The following LINGO4 variants were observed in gnomAD, a reference collection of about 807,000 sequenced individuals.
LINGO4 encodes the protein leucine rich repeat and Ig domain containing 4.
LINGO4 carries 22 observed loss-of-function variants against 27.9 expected under a neutral mutation model. The ratio of observed to expected loss-of-function variants is 0.79; its 90% CI spans 0.56 to 1.13. The LOEUF (loss-of-function observed/expected upper bound fraction) is 1.13, where lower values mean the gene tolerates loss of function less well. Ranked by LOEUF, LINGO4 falls within the 50% of genes most tolerant of loss-of-function variation. The probability of loss-of-function intolerance (pLI) is 0.00; values close to 1 mark genes in which losing one functional copy is unlikely to be tolerated. For synonymous variants in LINGO4, 306 were observed against 325.8 expected (o/e 0.94, Z 0.65); for missense variants, 706 against 739.4 (o/e 0.95, Z 0.52).
Position 151,801,557 on chromosome 1 carries a change from G to A in LINGO4, c.1148C>T (p.Pro383Leu). The stretch of plus-strand genomic sequence containing the variant: ...GACATGATGGGGGCCAGCACAGGCA[G>A]GGGGGGACATGCCAAAGTCCAGGTG... ...RRHLDFGMSP[P>L]ACAGPHHVQG... is the part of the protein sequence containing the mutation. The change falls in exon 2 of 2, where the codon CCT (proline) becomes CTT (leucine). Residue 383 changes from proline (P) to leucine (L), a missense_variant. By Grantham distance (98) the Pro-to-Leu change is moderately conservative (BLOSUM62 -3). Transcript: ENST00000368820. The surrounding 1 kb of genome is among the most constrained non-coding windows in gnomAD (Gnocchi z 5.7). 5.0e-6 allele frequency: 8 copies of A among 1,612,788 alleles called. No homozygotes were observed. The highest frequency in any genetic ancestry group is 2.2e-5 in the East Asian group (1 of 44,882).
Position 151,801,893 on chromosome 1 carries a change from G to A in LINGO4, c.812C>T (p.Ala271Val). Residue 271 changes from alanine (A) to valine (V), a missense_variant, in exon 2 of 2, where the codon GCA (alanine) becomes GTA (valine). Coordinates refer to ENST00000368820, the MANE Select transcript of LINGO4 (RefSeq NM_001004432.4). The surrounding 1 kb of genome is among the most constrained non-coding windows in gnomAD (Gnocchi z 5.7). ...CCTGAGGAAGCTGAGGTGGTACAGT[G>A]CTTGGAAGGGCACCGAGCTCAGATT... ...RCNLSSVPFQ[A>V]LYHLSFLRVL... 1 of 1,614,218 alleles carries A rather than the reference G, an allele frequency of 6.2e-7. No individual in the cohort carries two copies. The highest frequency in any genetic ancestry group is 8.5e-7 in the Non-Finnish European group (1 of 1,180,026).
intron 1 of LINGO4, among the ~76,000 whole-genome samples, chr1:151,804,794 G>A (rs1341002293): frequency 6.6e-6 from 1 of 152,210 alleles, no homozygotes; most frequent in East Asian, 1.9e-4. Flanking sequence ...CATGACCCTT[G>A]AAGGCATCAC....
In LINGO4 at chr1:151,801,517, C is replaced by T. The variant is rs750100866; in HGVS notation, c.1188G>A (p.Leu396=). 6 of 1,613,914 alleles carry T rather than the reference C, an allele frequency of 3.7e-6. No individual in the cohort carries two copies. Among genetic ancestry groups the T allele is most frequent in the Non-Finnish European group, 5.1e-6 (6 of 1,179,964 alleles). ...GAGGCAGGATGTCTGAAAACTCCTT[C>T]AGGCTCTTCCCCTGGACATGATGGG... ...AGPHHVQGKS[L]KEFSDILPPG... Residue 396 remains leucine, a synonymous_variant, in exon 2 of 2, where the codon CTG becomes CTA. Coordinates refer to ENST00000368820, the MANE Select transcript of LINGO4 (RefSeq NM_001004432.4). The surrounding 1 kb of genome is among the most constrained non-coding windows in gnomAD (Gnocchi z 5.7).
At chr1:151,804,511 T>C (rs564398030) in intron 1 of LINGO4, among the ~76,000 whole-genome samples, 1 of 152,330 alleles carries the variant, frequency 6.6e-6, no homozygotes, top group South Asian at 2.1e-4. Flanking sequence ...CTGCTGCAGT[T>C]CCTGCCCATC....
rs1209895022 is a variant in LINGO4 at position 151,800,903 on chromosome 1, C to T, written c.*20G>A. On this transcript the variant is annotated 3_prime_UTR_variant, in exon 2 of 2. Coordinates refer to ENST00000368820, the MANE Select transcript of LINGO4 (RefSeq NM_001004432.4). Reference sequence around the variant, plus strand: ...GTATCTGAAGCGGACTTGGTGGGTTCCCCACTGGGGAAGGAAAGGTCAGAA... The same window carrying T: ...GTATCTGAAGCGGACTTGGTGGGTTTCCCACTGGGGAAGGAAAGGTCAGAA... 5 of 1,577,374 alleles carry T rather than the reference C, an allele frequency of 3.2e-6. No individual in the cohort carries two copies. Among genetic ancestry groups the T allele is most frequent in the East Asian group, 4.5e-5 (2 of 44,488 alleles).
chr1:151,800,685 A>G lies in LINGO4; in HGVS notation c.*238T>C, dbSNP rs534117647. On this transcript the variant is annotated 3_prime_UTR_variant, in exon 2 of 2. Coordinates refer to ENST00000368820, the MANE Select transcript of LINGO4 (RefSeq NM_001004432.4). ...GTGGAGGGGGTGAAGCAGGGGCTGGACTAACGACGGGGTCTGCATCTGCAG... is the reference window on the plus strand; with the variant it reads ...GTGGAGGGGGTGAAGCAGGGGCTGGGCTAACGACGGGGTCTGCATCTGCAG... 2.0e-3 allele frequency: 1,003 copies of G among 506,126 alleles called. 1 individual carries two copies. Among genetic ancestry groups the G allele is most frequent in the African/African-American group, 0.017 (881 of 52,496 alleles). 31.4% of individuals were successfully genotyped at this position (506,126 alleles called of 1,614,324 possible). A position where few individuals can be genotyped will look rare whatever the true frequency, so the allele number is the denominator to read the frequency against.
rs1201229084 is a variant in LINGO4, at chr1:151,802,182, C to T, written c.523G>A (p.Ala175Thr). The change falls in exon 2 of 2, where the codon GCC (alanine) becomes ACC (threonine). Residue 175 changes from alanine (A) to threonine (T), a missense_variant. By Grantham distance (58) the Ala-to-Thr change is moderately conservative. Transcript: ENST00000368820. Reference sequence around the variant, plus strand: ...CTCAACTTGGCTAGCCCTGCAAAGGCCCCCGGAGCCACAAATACCAGGTGG... The same window carrying T: ...CTCAACTTGGCTAGCCCTGCAAAGGTCCCCGGAGCCACAAATACCAGGTGG... ...DNHLVFVAPG[A>T]FAGLAKLSTL... 6.2e-7 allele frequency: 1 copy of T among 1,614,014 alleles called. No homozygotes were observed. The highest frequency in any genetic ancestry group is 1.1e-5 in the South Asian group (1 of 91,086).
rs770677338 is a variant in LINGO4 at position 151,801,687 on chromosome 1, C to G, written c.1018G>C (p.Glu340Gln). ...DVADNALQTL[E>Q]ETAFPSPDKL... ...TCTGGAGAAGGGAAAGCTGTTTCCT[C>G]TAGTGTCTGAAGGGCGTTATCTGCC... Residue 340 changes from glutamate (E) to glutamine (Q), a missense_variant, in exon 2 of 2, where the codon GAG (glutamate) becomes CAG (glutamine). Coordinates refer to ENST00000368820, the MANE Select transcript of LINGO4 (RefSeq NM_001004432.4). This position sits in a 1 kb window ranked among gnomAD's most constrained non-coding sequence, Gnocchi z 5.7. 6.8e-6 allele frequency: 11 copies of G among 1,614,222 alleles called. No individual in the cohort carries two copies. The highest frequency in any genetic ancestry group is 9.3e-6 in the Non-Finnish European group (11 of 1,180,040).
At position 151,800,272 on chromosome 1, in the gene LINGO4, T is replaced by C. The variant is rs1651103212; in HGVS notation, c.*651A>G. On this transcript the variant is annotated 3_prime_UTR_variant, in exon 2 of 2. Transcript: ENST00000368820. Reference sequence around the variant, plus strand: ...AAACTCCAGAGATGACATTTAGTTTTGGCTGCTACTGTTGTGGCCCTTTGA... The same window carrying C: ...AAACTCCAGAGATGACATTTAGTTTCGGCTGCTACTGTTGTGGCCCTTTGA... 1 of 152,338 alleles carries C rather than the reference T, an allele frequency of 6.6e-6. No homozygotes were observed. Among genetic ancestry groups the C allele is most frequent in the Admixed American group, 6.5e-5 (1 of 15,284 alleles). The allele number at this position is 152,338 out of a possible 1,614,324, so 9.4% of individuals were successfully genotyped here. A position where few individuals can be genotyped will look rare whatever the true frequency, so the allele number is the denominator to read the frequency against.
Position 151,801,442 on chromosome 1 carries a change from T to C in LINGO4, c.1263A>G (p.Arg421=), listed in dbSNP as rs758851401. 1.9e-6 allele frequency: 3 copies of C among 1,614,108 alleles called. No homozygotes were observed. The highest frequency in any genetic ancestry group is 2.5e-6 in the Non-Finnish European group (3 of 1,180,046). Residue 421 remains arginine (R), a synonymous_variant, in exon 2 of 2, where the codon CGA becomes CGG. Coordinates refer to ENST00000368820, the MANE Select transcript of LINGO4 (RefSeq NM_001004432.4). This position sits in a 1 kb window ranked among gnomAD's most constrained non-coding sequence, Gnocchi z 5.7. ...GCCCGCCCTCCTCTGCAATGACCCA[T>C]CGAGGCCCCGACTTTCGGATCAGGG... is the stretch of plus-strand genomic sequence containing the variant. ...KPALIRKSGP[R]WVIAEEGGHA...
chr1:151,803,000 A>G (rs548220226), intron 1 of LINGO4, among the ~76,000 whole-genome samples: 162 of 152,026 alleles, frequency 1.1e-3, no homozygotes, highest in Non-Finnish European at 2.0e-3. Flanking sequence ...TTCTGTGGGG[A>G]AAAAGCTTAT....
In LINGO4 at chr1:151,801,898, G is replaced by C. The variant is rs1651158700; in HGVS notation, c.807C>G (p.Phe269Leu). The C allele has an allele frequency of 1.9e-6, 3 of 1,614,220 alleles. No homozygotes were observed. Among genetic ancestry groups the C allele is most frequent in the Non-Finnish European group, 1.7e-6 (2 of 1,180,036 alleles). ...GGAAGCTGAGGTGGTACAGTGCTTGGAAGGGCACCGAGCTCAGATTGCAGC... is the reference window on the plus strand; with the variant it reads ...GGAAGCTGAGGTGGTACAGTGCTTGCAAGGGCACCGAGCTCAGATTGCAGC... ...ITRCNLSSVP[F>L]QALYHLSFLR... The change falls in exon 2 of 2, where the codon TTC (phenylalanine) becomes TTG (leucine). Residue 269 changes from phenylalanine (F) to leucine (L), a missense_variant. Transcript: ENST00000368820. The surrounding 1 kb of genome is among the most constrained non-coding windows in gnomAD (Gnocchi z 5.7).
rs900725464 is a variant in LINGO4 at position 151,800,792 on chromosome 1, C to G, written c.*131G>C. 1 of 786,800 alleles carries G rather than the reference C, an allele frequency of 1.3e-6. No homozygotes were observed. Among genetic ancestry groups the G allele is most frequent in the African/African-American group, 1.7e-5 (1 of 57,520 alleles). 48.7% of individuals were successfully genotyped at this position (786,800 alleles called of 1,614,324 possible). Reference sequence around the variant, plus strand: ...AGGAAGCAGACTCTCCGGCAGGAGGCACAACGCAGGCGGGAGGTGCAGGAG... The same window carrying G: ...AGGAAGCAGACTCTCCGGCAGGAGGGACAACGCAGGCGGGAGGTGCAGGAG... On this transcript the variant is annotated 3_prime_UTR_variant, in exon 2 of 2. Coordinates refer to ENST00000368820, the MANE Select transcript of LINGO4 (RefSeq NM_001004432.4).
rs1382604878 is a variant in LINGO4, at chr1:151,802,676, G to A, written c.29C>T (p.Ala10Val). MDAATAPKQ[A>V]WPPWPPLLFL... ...AAGGAGCGGGGGCCATGGGGGCCAG[G>A]CTTGCTTTGGAGCTGTGGCTGCATC... The change falls in exon 2 of 2, where the codon GCC (alanine) becomes GTC (valine). Residue 10 changes from alanine (A) to valine (V), a missense_variant. Transcript: ENST00000368820. 1.3e-6 allele frequency: 2 copies of A among 1,528,450 alleles called. No individual in the cohort carries two copies. Among genetic ancestry groups the A allele is most frequent in the Non-Finnish European group, 8.8e-7 (1 of 1,141,170 alleles). 94.7% of individuals were successfully genotyped at this position (1,528,450 alleles called of 1,614,324 possible).
Position 151,801,208 on chromosome 1 carries a change from C to G in LINGO4, c.1497G>C (p.Leu499=), listed in dbSNP as rs765052995. 36 of 1,614,056 alleles carry G rather than the reference C, an allele frequency of 2.2e-5. No individual in the cohort carries two copies. The highest frequency in any genetic ancestry group is 3.3e-5 in the Admixed American group (2 of 60,000). ...VAGNDSLRTW[L]EVIQVEPPNG... The stretch of plus-strand genomic sequence containing the variant: ...TTGGTGGTTCCACCTGGATGACTTC[C>G]AGCCAGGTCCTCAGGGAGTCATTCC... The change falls in exon 2 of 2, where the codon CTG becomes CTC. Residue 499 remains leucine (L), a synonymous_variant. Transcript: ENST00000368820. This position sits in a 1 kb window ranked among gnomAD's most constrained non-coding sequence, Gnocchi z 5.7.
chr1:151,804,068 T>C (rs1651221623), intron 1 of LINGO4, among the ~76,000 whole-genome samples: 1 of 152,128 alleles, frequency 6.6e-6, no homozygotes, highest in African/African-American at 2.4e-5. Flanking sequence ...CTGATCACCT[T>C]TGGGCTTGTG....
Position 151,800,906 on chromosome 1 carries a change from C to T in LINGO4, c.*17G>A. ...TCTGAAGCGGACTTGGTGGGTTCCCCACTGGGGAAGGAAAGGTCAGAAGAG... is the reference window on the plus strand; with the variant it reads ...TCTGAAGCGGACTTGGTGGGTTCCCTACTGGGGAAGGAAAGGTCAGAAGAG... On this transcript the variant is annotated 3_prime_UTR_variant, in exon 2 of 2. Transcript: ENST00000368820. The T allele has an allele frequency of 6.3e-7, 1 of 1,582,288 alleles. No homozygotes were observed. Among genetic ancestry groups the T allele is most frequent in the Non-Finnish European group, 8.6e-7 (1 of 1,162,332 alleles).
In LINGO4 at chr1:151,802,263, G is replaced by A; in HGVS notation, c.442C>T (p.Leu148=). 1.2e-6 allele frequency: 2 copies of A among 1,614,200 alleles called. No homozygotes were observed. The highest frequency in any genetic ancestry group is 1.7e-6 in the Non-Finnish European group (2 of 1,180,044). Residue 148 remains leucine, a synonymous_variant, in exon 2 of 2, where the codon CTA becomes TTA. Transcript: ENST00000368820. The part of the protein sequence containing the change: ...DLRLNQIVLF[L]DGAFGELGSL... ...CCTAGCTCCCCAAAAGCTCCATCTA[G>A]GAAGAGAACAATCTGGTTGAGGCGG...
Position 151,801,457 on chromosome 1 carries a change from T to C in LINGO4, c.1248A>G (p.Arg416=), listed in dbSNP as rs1651143217. 6.2e-7 allele frequency: 1 copy of C among 1,614,130 alleles called. No individual in the cohort carries two copies. The highest frequency in any genetic ancestry group is 8.5e-7 in the Non-Finnish European group (1 of 1,180,048). The change falls in exon 2 of 2, where the codon CGA becomes CGG. Residue 416 remains arginine (R), a synonymous_variant. Coordinates refer to ENST00000368820, the MANE Select transcript of LINGO4 (RefSeq NM_001004432.4). The surrounding 1 kb of genome is among the most constrained non-coding windows in gnomAD (Gnocchi z 5.7). Reference sequence around the variant, plus strand: ...CAATGACCCATCGAGGCCCCGACTTTCGGATCAGGGCTGGTTTGCAGGTGA... The same window carrying C: ...CAATGACCCATCGAGGCCCCGACTTCCGGATCAGGGCTGGTTTGCAGGTGA... ...GHFTCKPALI[R]KSGPRWVIAE... is the part of the protein sequence containing the mutation.
Sources: allele counts gnomAD v4.1 joint callset (sites outside exome capture counted in the v4.1 genomes callset), GRCh38; gene constraint gnomAD v4.1.1; non-coding constraint Gnocchi (gnomAD v3.1); transcripts MANE v1.5; gene names NCBI Gene and HGNC (gene_info 2026-07-23, HGNC 2026-07-21).